Variants in MEP1A observed in about 807,000 individuals in gnomAD.
MEP1A encodes meprin A subunit alpha, also known as N-benzoyl-L-tyrosyl-P-amino-benzoic acid hydrolase subunit alpha.
MEP1A carries 68 observed loss-of-function variants against 84.5 expected under a neutral mutation model. The ratio of observed to expected loss-of-function variants is 0.80; its 90% confidence interval spans 0.66 to 0.98. MEP1A has a LOEUF of 0.98. MEP1A is among the 50% of genes least tolerant of loss of function. MEP1A has a pLI of 0.00. For synonymous variants in MEP1A, 337 were observed against 336.8 expected (o/e 1.00, Z -0.01); for missense variants, 887 against 919.9 (o/e 0.96, Z 0.46).
chr6:46,833,837 GA>G, intron 11 of MEP1A, among the ~76,000 whole-genome samples: 1 of 152,262 alleles, frequency 6.6e-6, no homozygotes, highest in South Asian at 2.1e-4. Flanking sequence ...TGTGATTGAG[GA>G]AATAGATACT....
At chr6:46,833,607 T>G in intron 11 of MEP1A, 69 bp downstream of exon 11, 1 of 1,135,996 alleles carries the variant, frequency 8.8e-7, no homozygotes, top group Non-Finnish European at 1.3e-6. Context: ...GATTCTGTGG[T>G]GCAAGAAAGA....
At chr6:46,813,844 T>C (rs917368206) in intron 6 of MEP1A, among the ~76,000 whole-genome samples, 4 of 152,208 alleles carry the variant, frequency 2.6e-5, no homozygotes, top group Non-Finnish European at 4.4e-5. Flanking sequence ...TCTTGACTAA[T>C]AATTGTTTTG....
chr6:46,805,532 T>A (rs527955702), intron 5 of MEP1A, among the ~76,000 whole-genome samples: 3 of 152,060 alleles, frequency 2.0e-5, no homozygotes, highest in South Asian at 2.1e-4. Context: ...GTTCTTTATA[T>A]ATTTTGGATA....
the MEP1A span, among the ~76,000 whole-genome samples, chr6:46,844,850 A>C: frequency 5.3e-5 from 8 of 152,234 alleles, 1 homozygote; most frequent in South Asian, 1.7e-3. Context: ...TTGAATTGTA[A>C]TCCTCATGTG....
chr6:46,795,897 T>C (rs960479969), intron 3 of MEP1A, among the ~76,000 whole-genome samples: 3 of 152,152 alleles, frequency 2.0e-5, no homozygotes, highest in African/African-American at 4.8e-5. Context: ...TCTGTGTCAC[T>C]CAAGAGCTTT....
Position 46,835,286 on chromosome 6 carries a change from A to C in MEP1A, c.1821A>C (p.Lys607Asn). Residue 607 changes from lysine (K) to asparagine (N), a missense_variant, in exon 13 of 14, where the codon AAA (lysine) becomes AAC (asparagine). Lys to Asn is a moderately conservative substitution (Grantham distance 94). Transcript: ENST00000230588. Reference sequence around the variant, plus strand: ...TCAGCCAGACTGAAGTTCCCACTAAAGGCAAAAGACTGAGCCCCCAAGGCC... The same window carrying C: ...TCAGCCAGACTGAAGTTCCCACTAACGGCAAAAGACTGAGCCCCCAAGGCC... Reference protein sequence around the residue: ...THLSQTEVPTKGKRLSPQGLI... With the variant: ...THLSQTEVPTNGKRLSPQGLI... The C allele has an allele frequency of 1.2e-6, 2 of 1,604,014 alleles. No homozygotes were observed. Among genetic ancestry groups the C allele is most frequent in the Non-Finnish European group, 1.7e-6 (2 of 1,175,734 alleles).
At chr6:46,810,964 T>G (rs1446497685) in intron 6 of MEP1A, among the ~76,000 whole-genome samples, 1 of 152,092 alleles carries the variant, frequency 6.6e-6, no homozygotes, top group Non-Finnish European at 1.5e-5. Flanking sequence ...CTTTTTTGGT[T>G]CCATGTGAAT....
downstream of MEP1A, among the ~76,000 whole-genome samples, chr6:46,843,622 C>G (rs1252387190): frequency 6.6e-6 from 1 of 152,102 alleles, no homozygotes; most frequent in Non-Finnish European, 1.5e-5. Flanking sequence ...TGTTCCTTTT[C>G]AGAATACTTT....
At chr6:46,802,392 A>C (rs960592954) in intron 5 of MEP1A, among the ~76,000 whole-genome samples, 1 of 151,944 alleles carries the variant, frequency 6.6e-6, no homozygotes, top group African/African-American at 2.4e-5. Flanking sequence ...CTAATATATA[A>C]AAATACAATG....
intron 4 of MEP1A, 117 bp from the exon 5 acceptor site, chr6:46,798,989 A>T (rs1368540421): frequency 7.1e-6 from 5 of 699,664 alleles, no homozygotes; most frequent in Non-Finnish European, 1.0e-5. Context: ...ACAAATTGCC[A>T]CTAAACTGTT....
intron 7 of MEP1A, among the ~76,000 whole-genome samples, chr6:46,824,729 AAATT>A (rs1306589443): frequency 2.0e-5 from 2 of 100,860 alleles, no homozygotes; most frequent in Non-Finnish European, 3.8e-5. Context: ...AAATATATAT[AAATT>A]ATGTATTTAA....
At chr6:46,819,108 A>AC (rs751573322) in intron 6 of MEP1A, among the ~76,000 whole-genome samples, 6 of 152,008 alleles carry the variant, frequency 3.9e-5, no homozygotes, top group Admixed American at 6.6e-5. Flanking sequence ...ATAAAGTGAG[A>AC]CCCCCAATCT....
rs767796999 is a variant in MEP1A, at chr6:46,793,457, C to T, written c.59C>T (p.Ala20Val). 3.1e-6 allele frequency: 5 copies of T among 1,610,454 alleles called. No homozygotes were observed. Among genetic ancestry groups the T allele is most frequent in the Middle Eastern group, 1.7e-4 (1 of 6,056 alleles). The change falls in exon 1 of 14, where the codon GCA becomes GTA. Residue 20 changes from alanine (A) to valine (V), a missense_variant. Physicochemically the swap from Ala to Val is moderately conservative, Grantham distance 64 (BLOSUM62 0). Transcript: ENST00000230588. ...LFFTLLFAHI[A>V]AVPIKYLPEE... ...TTTACCTTGCTTTTTGCCCACATAG[C>T]AGCTGTACCGGTAAGTCGAGTCCTG...
downstream of MEP1A, among the ~76,000 whole-genome samples, chr6:46,840,346 G>A (rs1768311251): frequency 6.6e-6 from 1 of 152,106 alleles, no homozygotes; most frequent in Non-Finnish European, 1.5e-5. Flanking sequence ...AGATTACAAG[G>A]CCCTACACCC....
intron 7 of MEP1A, among the ~76,000 whole-genome samples, chr6:46,824,366 C>T (rs1339620710): frequency 6.7e-6 from 1 of 148,328 alleles, no homozygotes; most frequent in African/African-American, 2.5e-5. Context: ...TTTAAATTTA[C>T]AATATGTATT....
rs1254997238 is a variant in MEP1A, at chr6:46,833,365, C to G, written c.1436C>G (p.Ser479Cys). 6.2e-6 allele frequency: 10 copies of G among 1,614,050 alleles called. No homozygotes were observed. The highest frequency in any genetic ancestry group is 1.1e-5 in the South Asian group (1 of 91,096). Reference sequence around the variant, plus strand: ...TTATACCCAAATAGCAGAGAAAGCTCTGGTTACTTGAGACTTGCTTTTCAT... The same window carrying G: ...TTATACCCAAATAGCAGAGAAAGCTGTGGTTACTTGAGACTTGCTTTTCAT... Reference protein sequence around the residue: ...VTLYPNSRESSGYLRLAFHVC... With the variant: ...VTLYPNSRESCGYLRLAFHVC... Residue 479 changes from serine (S) to cysteine (C), a missense_variant, in exon 11 of 14, where the codon TCT becomes TGT. By Grantham distance (112) the Ser-to-Cys change is moderately radical (BLOSUM62 -1). Coordinates refer to ENST00000230588, the MANE Select transcript of MEP1A (RefSeq NM_005588.3).
At chr6:46,798,793 A>G in intron 4 of MEP1A, 147 bp downstream of exon 4, 1 of 707,106 alleles carries the variant, frequency 1.4e-6, no homozygotes, top group African/African-American at 1.8e-5. Context: ...GAGGAGTTCC[A>G]CTGTAGTTCC....
chr6:46,795,182 C>G (rs1378466664), intron 3 of MEP1A, among the ~76,000 whole-genome samples: 1 of 152,218 alleles, frequency 6.6e-6, no homozygotes, highest in African/African-American at 2.4e-5. Context: ...CTCACTCCTT[C>G]TAGATTTTCG....
intron 7 of MEP1A, among the ~76,000 whole-genome samples, chr6:46,823,381 G>A (rs1293608358): frequency 2.0e-5 from 3 of 152,234 alleles, no homozygotes; most frequent in Non-Finnish European, 4.4e-5. Context: ...AGAGGCCGAT[G>A]CAGGCAGATC....
Sources: gnomAD v4.1 joint callset for allele counts (sites outside exome capture counted in the v4.1 genomes callset) on GRCh38, gnomAD v4.1.1 for gene constraint, MANE v1.5 for transcripts, NCBI Gene and HGNC (gene_info 2026-07-23, HGNC 2026-07-21) for gene names.